Variants in FGGY observed in about 807,000 individuals in gnomAD.
FGGY encodes the protein FGGY carbohydrate kinase domain-containing protein.
A neutral mutation model predicts 71.3 loss-of-function variants in FGGY; 72 were observed. The observed-to-expected ratio is 1.01, with a 90% CI of 0.84 to 1.23. FGGY has a LOEUF of 1.23. Among genes scored for constraint, FGGY ranks in the 50% most tolerant of loss-of-function variants. The pLI, the probability that FGGY is intolerant of heterozygous loss-of-function variation, is 0.00. For missense variants in FGGY, 668 were observed against 682.3 expected (o/e 0.98, Z 0.23); for synonymous variants, 251 against 250.3 (o/e 1.00, Z -0.02).
chr1:59,518,877 G>T (rs987964698), intron 7 of FGGY, among the ~76,000 whole-genome samples: 2 of 152,166 alleles, frequency 1.3e-5, no homozygotes, highest in Non-Finnish European at 2.9e-5. Context: ...AGCAATGCGA[G>T]AATGGACTAA....
chr1:59,753,467 A>AATATATATAT lies in FGGY; in HGVS notation c.1513-4427_1513-4418dup, dbSNP rs57074120. 3.0e-3 allele frequency among the ~76,000 whole-genome samples: 145 copies of AATATATATAT among 47,834 alleles called. 5 individuals are homozygous for AATATATATAT. The highest frequency in any genetic ancestry group is 3.9e-3 in the Non-Finnish European group (94 of 24,092). 31.4% of individuals were successfully genotyped at this position (47,834 alleles called of 152,430 possible). A position where few individuals can be genotyped will look rare whatever the true frequency, so the allele number is the denominator to read the frequency against. On this transcript the variant is annotated intron_variant, in intron 14 of 15. Coordinates refer to ENST00000303721, the MANE Select transcript of FGGY (RefSeq NM_018291.5). ...GACTGTCTTTATAAGCATAACTTTA[A>AATATATATAT]ATATATATATATATATATATATATA...
chr1:59,631,199 A>G lies in FGGY; in HGVS notation c.1073+5150A>G, dbSNP rs80292104. Among the ~76,000 whole-genome samples the G allele has an allele frequency of 7.6e-3, 1,156 of 151,654 alleles. 18 individuals carry two copies. The highest frequency in any genetic ancestry group is 0.027 in the African/African-American group (1,103 of 41,290). ...TATCTCTGATTCCTCCTTCCTAACC[A>G]CTTTTCTTGAGTTTATAGTCCTTTT... On this transcript the variant is annotated intron_variant, in intron 10 of 15. Transcript: ENST00000303721.
intron 14 of FGGY, among the ~76,000 whole-genome samples, chr1:59,714,196 C>T (rs1423420780): frequency 6.6e-6 from 1 of 152,168 alleles, no homozygotes; most frequent in African/African-American, 2.4e-5. Context: ...ACTATGGCCA[C>T]CTTAAATGAA....
At chr1:59,504,607 G>C (rs1157162320) in intron 6 of FGGY, among the ~76,000 whole-genome samples, 2 of 152,226 alleles carry the variant, frequency 1.3e-5, no homozygotes, top group Non-Finnish European at 2.9e-5. Flanking sequence ...GATTGCTGTG[G>C]TGTAAGACCA....
chr1:59,595,591 G>C (rs1251841129), intron 8 of FGGY, among the ~76,000 whole-genome samples: 1 of 152,146 alleles, frequency 6.6e-6, no homozygotes, highest in Non-Finnish European at 1.5e-5. Flanking sequence ...TCGAGAGACT[G>C]AGGCAGAAGA....
chr1:59,640,013 A>G (rs1315861814), intron 11 of FGGY, among the ~76,000 whole-genome samples: 1 of 152,248 alleles, frequency 6.6e-6, no homozygotes, highest in Non-Finnish European at 1.5e-5. Flanking sequence ...TATCATGAGA[A>G]TAAGTATGTA....
rs193018564 is a variant in FGGY, at chr1:59,465,668, C to T, written c.670+8592C>T. On this transcript the variant is annotated intron_variant, in intron 6 of 15. Coordinates refer to ENST00000303721, the MANE Select transcript of FGGY (RefSeq NM_018291.5). ...GCAACTTCAGCAAAGTCTCAGGATA[C>T]AAAGTCAATGTGCAAAAATCACAAG... Among the ~76,000 whole-genome samples the T allele has an allele frequency of 4.2e-4, 64 of 152,310 alleles. 1 individual carries two copies. The highest frequency in any genetic ancestry group is 8.8e-5 in the Non-Finnish European group (6 of 68,020).
chr1:59,407,472 G>A (rs763464595), intron 5 of FGGY, among the ~76,000 whole-genome samples: 2 of 152,104 alleles, frequency 1.3e-5, no homozygotes, highest in Non-Finnish European at 2.9e-5. Flanking sequence ...ATCAATGCTT[G>A]GAAAGCAGCC....
intron 13 of FGGY, among the ~76,000 whole-genome samples, chr1:59,669,260 G>A (rs1325611189): frequency 1.3e-5 from 2 of 152,012 alleles, no homozygotes; most frequent in South Asian, 2.1e-4. Flanking sequence ...GTGGTGTGTC[G>A]GGGCCCACCG....
chr1:59,303,494 T>G (rs1337201288), intron 1 of FGGY, among the ~76,000 whole-genome samples: 1 of 152,172 alleles, frequency 6.6e-6, no homozygotes, highest in Non-Finnish European at 1.5e-5. Context: ...TCATTATCCA[T>G]TCACCCATCT....
At chr1:59,304,761 T>C (rs2043206951) in intron 1 of FGGY, among the ~76,000 whole-genome samples, 1 of 152,114 alleles carries the variant, frequency 6.6e-6, no homozygotes, top group Non-Finnish European at 1.5e-5. Flanking sequence ...GTTTATAGTT[T>C]TCAATATACA....
At chr1:59,473,431 T>C (rs1453640733) in intron 6 of FGGY, among the ~76,000 whole-genome samples, 6 of 152,076 alleles carry the variant, frequency 3.9e-5, no homozygotes, top group African/African-American at 1.4e-4. Flanking sequence ...ACACTCACCG[T>C]GAGGGTCCGC....
At chr1:59,355,826 C>T (rs1308463377) in intron 4 of FGGY, among the ~76,000 whole-genome samples, 1 of 151,976 alleles carries the variant, frequency 6.6e-6, no homozygotes, top group Non-Finnish European at 1.5e-5. Context: ...TTTTAAAGGG[C>T]ACTCATTTCT....
Position 59,660,443 on chromosome 1 carries a change from G to A in FGGY, c.1296+150G>A, listed in dbSNP as rs1274041813. ...AAAAGAGATTCTTGTATGTCTGGAA[G>A]GAAGTGTTGATGAAAGGCCTCACCT... is the stretch of plus-strand genomic sequence containing the variant. On this transcript the variant is annotated intron_variant, in intron 12 of 15. Coordinates refer to ENST00000303721, the MANE Select transcript of FGGY (RefSeq NM_018291.5). The A allele has an allele frequency of 5.5e-6, 3 of 542,922 alleles. No individual in the cohort carries two copies. The African/African-American group carries it at 5.8e-5, about 10-fold the overall frequency. 33.6% of individuals were successfully genotyped at this position (542,922 alleles called of 1,614,324 possible). A position where few individuals can be genotyped will look rare whatever the true frequency, so the allele number is the denominator to read the frequency against.
chr1:59,635,453 C>T (rs2096948767), intron 10 of FGGY, among the ~76,000 whole-genome samples: 1 of 151,950 alleles, frequency 6.6e-6, no homozygotes, highest in African/African-American at 2.4e-5. Context: ...AATAATTAGG[C>T]CTATACGTTC....
At chr1:59,550,819 A>G (rs890130462) in intron 7 of FGGY, among the ~76,000 whole-genome samples, 3 of 152,232 alleles carry the variant, frequency 2.0e-5, no homozygotes, top group Non-Finnish European at 4.4e-5. Flanking sequence ...TAGAAAGAAC[A>G]TAAGCTTTGG....
At chr1:59,600,558 G>A (rs573664251) in intron 8 of FGGY, among the ~76,000 whole-genome samples, 6 of 152,312 alleles carry the variant, frequency 3.9e-5, no homozygotes, top group Non-Finnish European at 8.8e-5. Context: ...CTAATAATGA[G>A]TAGAGGCTGG....
At chr1:59,648,778 C>A (rs2097126211) in intron 11 of FGGY, among the ~76,000 whole-genome samples, 1 of 151,974 alleles carries the variant, frequency 6.6e-6, no homozygotes, top group African/African-American at 2.4e-5. Flanking sequence ...TCAATTTTGG[C>A]TTTTGTTGCC....
intron 2 of FGGY, among the ~76,000 whole-genome samples, chr1:59,339,531 C>T (rs2050235537): frequency 6.6e-6 from 1 of 151,820 alleles, no homozygotes; most frequent in South Asian, 2.1e-4. Flanking sequence ...ATGGCGTGAT[C>T]TCGGCTCACT....
Sources: allele counts gnomAD v4.1 joint callset (sites outside exome capture counted in the v4.1 genomes callset), GRCh38; gene constraint gnomAD v4.1.1; transcripts MANE v1.5; gene names NCBI Gene and HGNC (gene_info 2026-07-23, HGNC 2026-07-21).